The following CERKL variants were observed in gnomAD, a reference collection of about 807,000 sequenced individuals.
CERKL encodes the protein ceramide kinase-like protein.
In CERKL, 61 loss-of-function variants were observed where a neutral mutation model predicts 63.4. That is an observed-to-expected ratio of 0.96 (90% CI 0.78 to 1.19). The LOEUF is 1.19. Among genes scored for constraint, CERKL ranks in the 50% most tolerant of loss-of-function variants. The probability of loss-of-function intolerance (pLI) is 0.00; values close to 1 mark genes in which losing one functional copy is unlikely to be tolerated. For synonymous variants in CERKL, 250 were observed against 230.5 expected (o/e 1.08, Z -0.77); for missense variants, 675 against 655.5 (o/e 1.03, Z -0.33).
At chr2:181,630,616 T>C (rs1251326165) in intron 1 of CERKL, among the ~76,000 whole-genome samples, 2 of 152,160 alleles carry the variant, frequency 1.3e-5, no homozygotes, top group Non-Finnish European at 1.5e-5. Flanking sequence ...GGATGCTGTA[T>C]GAAGGTGGCC....
chr2:181,587,380 T>C (rs1034809595), intron 2 of CERKL, among the ~76,000 whole-genome samples: 1 of 152,072 alleles, frequency 6.6e-6, no homozygotes, highest in Non-Finnish European at 1.5e-5. Flanking sequence ...AGAATTTAAA[T>C]GATAAAAGAG....
At chr2:181,593,878 A>T (rs1685086355) in intron 2 of CERKL, among the ~76,000 whole-genome samples, 2 of 152,088 alleles carry the variant, frequency 1.3e-5, no homozygotes, top group Admixed American at 1.3e-4. Flanking sequence ...AAAAAAAAAA[A>T]AAAAAAGAAT....
chr2:181,600,261 A>T (rs756589137), intron 2 of CERKL, among the ~76,000 whole-genome samples: 1 of 152,254 alleles, frequency 6.6e-6, no homozygotes, highest in Non-Finnish European at 1.5e-5. Flanking sequence ...ACACAAAAGT[A>T]CAAGGCTCAG....
At chr2:181,622,459 G>C (rs113438336) in intron 1 of CERKL, among the ~76,000 whole-genome samples, 1 of 152,184 alleles carries the variant, frequency 6.6e-6, no homozygotes, top group Non-Finnish European at 1.5e-5. Flanking sequence ...TTGCTAACTT[G>C]AAGGCTGCAC....
intron 1 of CERKL, among the ~76,000 whole-genome samples, chr2:181,609,626 AAC>A (rs1369729306): frequency 6.6e-6 from 1 of 151,566 alleles, no homozygotes; most frequent in East Asian, 1.9e-4. Flanking sequence ...GAATCCCTTG[AAC>A]CCAGGAGGCG....
chr2:181,564,524 G>A (rs1274368982), intron 4 of CERKL, among the ~76,000 whole-genome samples: 1 of 152,104 alleles, frequency 6.6e-6, no homozygotes, highest in East Asian at 1.9e-4. Context: ...AATATGTTCA[G>A]GTAAAGAGAA....
intron 1 of CERKL, among the ~76,000 whole-genome samples, chr2:181,612,949 A>G (rs1686030618): frequency 6.6e-6 from 1 of 152,224 alleles, no homozygotes; most frequent in Non-Finnish European, 1.5e-5. Flanking sequence ...ACAATGTGAA[A>G]TGATTAAAAT....
At chr2:181,585,533 T>G (rs936725667) in intron 2 of CERKL, among the ~76,000 whole-genome samples, 1 of 152,144 alleles carries the variant, frequency 6.6e-6, no homozygotes, top group Non-Finnish European at 1.5e-5. Flanking sequence ...TTATCAAAGT[T>G]AAGTTTTCTG....
intron 3 of CERKL, among the ~76,000 whole-genome samples, chr2:181,572,049 T>C (rs1688924192): frequency 6.6e-6 from 1 of 152,118 alleles, no homozygotes; most frequent in African/African-American, 2.4e-5. Flanking sequence ...AGCAAAGTTA[T>C]GGCACAAACT....
chr2:181,553,996 TA>T (rs371691224), intron 5 of CERKL, among the ~76,000 whole-genome samples: 70 of 152,146 alleles, frequency 4.6e-4, no homozygotes, highest in African/African-American at 1.6e-3. Flanking sequence ...TACCTCAAGG[TA>T]AACATTTTAA....
At position 181,536,931 on chromosome 2, in the gene CERKL, T is replaced by G. The variant is rs1687146815; in HGVS notation, c.*1253A>C. ...TGTGGAAAAACAATTCTGGGAAAGATTTCTTTATATGAAGTCCCTGCCACT... is the reference window on the plus strand; with the variant it reads ...TGTGGAAAAACAATTCTGGGAAAGAGTTCTTTATATGAAGTCCCTGCCACT... On this transcript the variant is annotated 3_prime_UTR_variant, in exon 13 of 13. Coordinates refer to ENST00000410087, the MANE Select transcript of CERKL (RefSeq NM_201548.5). 1 of 453,598 alleles carries G rather than the reference T, an allele frequency of 2.2e-6. No homozygotes were observed. The highest frequency in any genetic ancestry group is 4.4e-6 in the Non-Finnish European group (1 of 226,572). 28.1% of individuals were successfully genotyped at this position (453,598 alleles called of 1,614,324 possible).
At chr2:181,606,588 A>C (rs978118570) in intron 1 of CERKL, among the ~76,000 whole-genome samples, 2 of 138,184 alleles carry the variant, frequency 1.4e-5, no homozygotes, top group African/African-American at 5.5e-5. Context: ...AGGGTAGGGA[A>C]GAGGGAACGG....
chr2:181,590,247 C>T (rs1395405316), intron 2 of CERKL, among the ~76,000 whole-genome samples: 1 of 152,134 alleles, frequency 6.6e-6, no homozygotes, highest in African/African-American at 2.4e-5. Context: ...AAGTGATTCT[C>T]ATGCCTCAGC....
chr2:181,630,532 A>T (rs1686912051), intron 1 of CERKL, among the ~76,000 whole-genome samples: 1 of 152,172 alleles, frequency 6.6e-6, no homozygotes, highest in Non-Finnish European at 1.5e-5. Context: ...GTCCTAATCC[A>T]ATAGGACTGG....
At chr2:181,615,929 C>A (rs185077993) in intron 1 of CERKL, among the ~76,000 whole-genome samples, 1 of 152,144 alleles carries the variant, frequency 6.6e-6, no homozygotes, top group African/African-American at 2.4e-5. Context: ...TCAAGAGTTA[C>A]AACGAAGTAG....
intron 1 of CERKL, among the ~76,000 whole-genome samples, chr2:181,644,203 G>A (rs1005661867): frequency 6.6e-6 from 1 of 152,210 alleles, no homozygotes; most frequent in African/African-American, 2.4e-5. Context: ...ACCATACTGG[G>A]GGTTGGCCCC....
At position 181,565,481 on chromosome 2, in the gene CERKL, T is replaced by C. The variant is rs1688624378; in HGVS notation, c.677+577A>G. The C allele has an allele frequency of 6.2e-7, 1 of 1,612,000 alleles. No homozygotes were observed. The highest frequency in any genetic ancestry group is 8.5e-7 in the Non-Finnish European group (1 of 1,179,322). ...AGTGAACAATCTCTGTACACTCCAA[T>C]GTATTGCGAACAATGGTTTCCGATG... On this transcript the variant is annotated intron_variant, in intron 4 of 12. Transcript: ENST00000410087.
At chr2:181,647,651 C>G (rs1276516774) in intron 1 of CERKL, among the ~76,000 whole-genome samples, 1 of 152,124 alleles carries the variant, frequency 6.6e-6, no homozygotes, top group Non-Finnish European at 1.5e-5. Context: ...CTGCATACAA[C>G]TGGAAAATGT....
chr2:181,551,742 A>G (rs930387681), intron 5 of CERKL, among the ~76,000 whole-genome samples: 1 of 152,104 alleles, frequency 6.6e-6, no homozygotes, highest in Non-Finnish European at 1.5e-5. Context: ...TCTAAACATA[A>G]AAGTTTTATA....
Sources: gnomAD v4.1 joint callset for allele counts (sites outside exome capture counted in the v4.1 genomes callset) on GRCh38, gnomAD v4.1.1 for gene constraint, MANE v1.5 for transcripts, NCBI Gene and HGNC (gene_info 2026-07-23, HGNC 2026-07-21) for gene names.